GRHL2: variants seen among roughly 807,000 people sequenced by gnomAD.
GRHL2 encodes the protein grainyhead-like protein 2 homolog.
In GRHL2, 21 loss-of-function variants were observed where a neutral mutation model predicts 83.8. The observed-to-expected ratio is 0.25, with a 90% CI of 0.18 to 0.36. The LOEUF (loss-of-function observed/expected upper bound fraction) is 0.36. Among genes scored for constraint, GRHL2 ranks in the 10% least tolerant of loss-of-function variants. The pLI is 1.00. For missense variants in GRHL2, 623 were observed against 781.8 expected (o/e 0.80, Z 2.42); for synonymous variants, 280 against 278.9 (o/e 1.00, Z -0.04).
chr8:101,542,377 A>G (rs1811171285), intron 1 of GRHL2, among the ~76,000 whole-genome samples: 1 of 151,976 alleles, frequency 6.6e-6, no homozygotes, highest in African/African-American at 2.4e-5. Flanking sequence ...GGAGTTTGAG[A>G]ACAGCCGTCT....
At chr8:101,530,455 TC>T (rs1262938104) in intron 1 of GRHL2, among the ~76,000 whole-genome samples, 1 of 152,230 alleles carries the variant, frequency 6.6e-6, no homozygotes, top group African/African-American at 2.4e-5. Flanking sequence ...ATAACATAAT[TC>T]TTTCCTTTAA....
chr8:101,644,054 A>G, intron 12 of GRHL2, 77 bp from the exon 13 acceptor site: 1 of 1,275,568 alleles, frequency 7.8e-7, no homozygotes, highest in Non-Finnish European at 1.1e-6. Context: ...AGGGAAAGAC[A>G]GAAACGGACA....
At chr8:101,625,552 A>T (rs1813064543) in intron 9 of GRHL2, among the ~76,000 whole-genome samples, 2 of 151,920 alleles carry the variant, frequency 1.3e-5, no homozygotes, top group South Asian at 2.1e-4. Context: ...GAAAAAGAGG[A>T]TTATATGGAT....
chr8:101,563,562 A>G (rs1166520447), intron 4 of GRHL2, among the ~76,000 whole-genome samples: 1 of 152,122 alleles, frequency 6.6e-6, no homozygotes, highest in Non-Finnish European at 1.5e-5. Context: ...CATATGATAA[A>G]TTCCTTGTCC....
intron 3 of GRHL2, among the ~76,000 whole-genome samples, chr8:101,555,005 T>A (rs1811461834): frequency 6.6e-6 from 1 of 152,230 alleles, no homozygotes; most frequent in Non-Finnish European, 1.5e-5. Context: ...TTCAACTAGA[T>A]TTATACAATT....
Position 101,669,582 on chromosome 8 carries a change from CTCA to C in GRHL2, c.*2881_*2883del, listed in dbSNP as rs1814165165. ...GAGATTGATATATGTACAATTTGCTCTCATGTTTTAAAAAAAAAAAGGTAAATG... is the reference window on the plus strand; with the variant it reads ...GAGATTGATATATGTACAATTTGCTCTGTTTTAAAAAAAAAAAGGTAAATG... On this transcript the variant is annotated 3_prime_UTR_variant, in exon 16 of 16. Coordinates refer to ENST00000646743, the MANE Select transcript of GRHL2 (RefSeq NM_024915.4). The C allele has an allele frequency of 1.4e-5, 2 of 141,272 alleles. No homozygotes were observed. Among genetic ancestry groups the C allele is most frequent in the South Asian group, 2.5e-4 (1 of 4,060 alleles). 8.8% of individuals were successfully genotyped at this position (141,272 alleles called of 1,614,324 possible). A position where few individuals can be genotyped will look rare whatever the true frequency, so the allele number is the denominator to read the frequency against.
At chr8:101,583,706 T>A (rs770503938) in intron 7 of GRHL2, among the ~76,000 whole-genome samples, 10 of 152,196 alleles carry the variant, frequency 6.6e-5, no homozygotes, top group Non-Finnish European at 1.2e-4. Context: ...AGACTAGATA[T>A]CAGTCCAAAT....
At chr8:101,513,173 A>T (rs537800174) in intron 1 of GRHL2, among the ~76,000 whole-genome samples, 5 of 151,940 alleles carry the variant, frequency 3.3e-5, no homozygotes, top group African/African-American at 7.3e-5. Flanking sequence ...TTGTTGTTGT[A>T]GTAGTTGTTT....
chr8:101,492,701 G>A lies in GRHL2; in HGVS notation c.-69G>A, dbSNP rs771893523. On this transcript the variant is annotated 5_prime_UTR_variant, in exon 1 of 16. Transcript: ENST00000646743. ...GCTCTCACACACCTTCACCTGCACA[G>A]ACTTGAAAGTCCAGTTTCACCAGAG... 4.3e-6 allele frequency: 6 copies of A among 1,406,432 alleles called. No homozygotes were observed. Among genetic ancestry groups the A allele is most frequent in the Non-Finnish European group, 6.1e-6 (6 of 990,124 alleles). The allele number at this position is 1,406,432 out of a possible 1,614,324, so 87.1% of individuals were successfully genotyped here. A position where few individuals can be genotyped will look rare whatever the true frequency, so the allele number is the denominator to read the frequency against.
chr8:101,523,176 T>C (rs1363743600), intron 1 of GRHL2, among the ~76,000 whole-genome samples: 1 of 151,198 alleles, frequency 6.6e-6, no homozygotes, highest in Non-Finnish European at 1.5e-5. Context: ...CCTCCCAAAG[T>C]GCTGGGATTA....
chr8:101,515,092 A>G (rs762906606), intron 1 of GRHL2, among the ~76,000 whole-genome samples: 1 of 134,920 alleles, frequency 7.4e-6, no homozygotes, highest in Non-Finnish European at 1.5e-5. Flanking sequence ...CTCCCTCCTT[A>G]TAGGGATCAC....
At chr8:101,523,378 G>T (rs1475564676) in intron 1 of GRHL2, among the ~76,000 whole-genome samples, 1 of 152,050 alleles carries the variant, frequency 6.6e-6, no homozygotes, top group Non-Finnish European at 1.5e-5. Flanking sequence ...AATCAAGAAT[G>T]TTGGATGCTA....
At chr8:101,597,468 G>A (rs1190067147) in intron 7 of GRHL2, among the ~76,000 whole-genome samples, 7 of 152,032 alleles carry the variant, frequency 4.6e-5, no homozygotes, top group African/African-American at 1.7e-4. Context: ...AAGAAAATGT[G>A]GCACATATAC....
At chr8:101,675,360 G>C in the GRHL2 span, among the ~76,000 whole-genome samples, 6 of 152,174 alleles carry the variant, frequency 3.9e-5, no homozygotes, top group East Asian at 9.6e-4. Context: ...CCTCAGCAAA[G>C]TCTCAGGATA....
chr8:101,508,772 A>G (rs2129996411), intron 1 of GRHL2, among the ~76,000 whole-genome samples: 1 of 152,320 alleles, frequency 6.6e-6, no homozygotes, highest in East Asian at 1.9e-4. Context: ...ATTTGACTAT[A>G]TGATTTATAG....
downstream of GRHL2, among the ~76,000 whole-genome samples, chr8:101,670,149 A>AATC (rs1814180351): frequency 6.6e-6 from 1 of 152,158 alleles, no homozygotes; most frequent in African/African-American, 2.4e-5. Context: ...GTTTTCTCAC[A>AATC]ATCTCTTGCC....
At chr8:101,633,283 A>G (rs755452681) in intron 11 of GRHL2, among the ~76,000 whole-genome samples, 2 of 152,200 alleles carry the variant, frequency 1.3e-5, no homozygotes, top group African/African-American at 4.8e-5. Flanking sequence ...CACCAAATCA[A>G]TTGGGTTTTA....
chr8:101,501,073 T>C (rs895691952), intron 1 of GRHL2, among the ~76,000 whole-genome samples: 2 of 152,216 alleles, frequency 1.3e-5, no homozygotes, highest in African/African-American at 2.4e-5. Flanking sequence ...AGAATTCTTA[T>C]AGGAAGTGCT....
At chr8:101,541,147 GGTGTGT>G (rs56763374) in intron 1 of GRHL2, among the ~76,000 whole-genome samples, 14,287 of 144,172 alleles carry the variant, frequency 0.099, 715 homozygotes, top group Non-Finnish European at 0.12. Flanking sequence ...ACTATTTCAT[GGTGTGT>G]GTGTGTGTGT....
Sources: allele counts gnomAD v4.1 joint callset (sites outside exome capture counted in the v4.1 genomes callset), GRCh38; gene constraint gnomAD v4.1.1; transcripts MANE v1.5; gene names NCBI Gene and HGNC (gene_info 2026-07-23, HGNC 2026-07-21).